PPP2R1B: variants seen among roughly 807,000 people sequenced by gnomAD.
PPP2R1B encodes protein phosphatase 2 scaffold subunit Abeta.
PPP2R1B carries 58 observed loss-of-function variants against 72.7 expected under a neutral mutation model. The observed-to-expected ratio is 0.80, with a 90% confidence interval of 0.65 to 0.99. The LOEUF (loss-of-function observed/expected upper bound fraction) is 0.99, where lower values mean the gene tolerates loss of function less well. PPP2R1B is among the 50% of genes least tolerant of loss of function. The pLI is 0.00. For synonymous variants in PPP2R1B, 256 were observed against 264.6 expected (o/e 0.97, Z 0.32); for missense variants, 695 against 733.6 (o/e 0.95, Z 0.61).
chr11:111,698,149 C>G, the PPP2R1B span, among the ~76,000 whole-genome samples: 1 of 152,190 alleles, frequency 6.6e-6, no homozygotes, highest in African/African-American at 2.4e-5. Flanking sequence ...TTTCTATATT[C>G]ATATTACCTA....
the PPP2R1B span, among the ~76,000 whole-genome samples, chr11:111,719,253 C>T: frequency 6.6e-6 from 1 of 151,842 alleles, no homozygotes; most frequent in African/African-American, 2.4e-5. Flanking sequence ...CAATTAAAGA[C>T]TAAATCAAAT....
chr11:111,755,589 T>TA, intron 5 of PPP2R1B, 139 bp from the exon 6 acceptor site: 13 of 724,622 alleles, frequency 1.8e-5, no homozygotes, highest in East Asian at 3.4e-5. Context: ...GACATCTTTT[T>TA]CTTTTTTTTT....
At chr11:111,749,345 G>A (rs1184184181) in intron 10 of PPP2R1B, among the ~76,000 whole-genome samples, 1 of 151,580 alleles carries the variant, frequency 6.6e-6, no homozygotes, top group African/African-American at 2.4e-5. Flanking sequence ...GTACAGTGGT[G>A]CAATGTCAGC....
downstream of PPP2R1B, chr11:111,725,429 A>G (rs1007348434): frequency 6.6e-6 from 1 of 152,560 alleles, no homozygotes; most frequent in Non-Finnish European, 1.5e-5. Context: ...CTTAACCAAC[A>G]CTTACAATTC....
chr11:111,741,641 G>C (rs760717473), intron 14 of PPP2R1B, 29 bp from the exon 15 acceptor site: 1 of 1,611,200 alleles, frequency 6.2e-7, no homozygotes. Flanking sequence ...AATCAGGTTA[G>C]TGGTACAGAA....
Position 111,741,358 on chromosome 11 carries a change from G to T in PPP2R1B, c.*238C>A. Reference sequence around the variant, plus strand: ...ATAAAGCATTAGGAGACAATCAAGTGTCAGGAATTGGTCAATAAGAACGGC... The same window carrying T: ...ATAAAGCATTAGGAGACAATCAAGTTTCAGGAATTGGTCAATAAGAACGGC... On this transcript the variant is annotated 3_prime_UTR_variant, in exon 15 of 15. Coordinates refer to ENST00000527614, the MANE Select transcript of PPP2R1B (RefSeq NM_002716.5). 1 of 1,351,400 alleles carries T rather than the reference G, an allele frequency of 7.4e-7. No individual in the cohort carries two copies. Among genetic ancestry groups the T allele is most frequent in the Non-Finnish European group, 9.5e-7 (1 of 1,053,426 alleles). The allele number at this position is 1,351,400 out of a possible 1,614,324, so 83.7% of individuals were successfully genotyped here.
At chr11:111,712,629 GCTCA>G in the PPP2R1B span, among the ~76,000 whole-genome samples, 1 of 152,058 alleles carries the variant, frequency 6.6e-6, no homozygotes, top group African/African-American at 2.4e-5. Context: ...TGTCTTTCTC[GCTCA>G]CTAATTCCTT....
chr11:111,753,418 C>T, intron 9 of PPP2R1B, 25 bp downstream of exon 9: 1 of 1,600,532 alleles, frequency 6.2e-7, no homozygotes, highest in South Asian at 1.1e-5. Flanking sequence ...CTATCAAAGG[C>T]AACAGAACAT....
Position 111,739,317 on chromosome 11 carries a change from G to C in PPP2R1B, c.*2279C>G, listed in dbSNP as rs1199280299. The C allele has an allele frequency of 1.6e-5, 16 of 978,486 alleles. No homozygotes were observed. The East Asian group carries it at 9.3e-4, about 57-fold the overall frequency. The allele number at this position is 978,486 out of a possible 1,614,324, so 60.6% of individuals were successfully genotyped here. A position where few individuals can be genotyped will look rare whatever the true frequency, so the allele number is the denominator to read the frequency against. On this transcript the variant is annotated 3_prime_UTR_variant, in exon 15 of 15. Transcript: ENST00000527614. ...CCTATATTCCAGTGAAATCAAGATA[G>C]GAGAACTTTTCCCTTAAGTTTAAGG...
Position 111,740,694 on chromosome 11 carries a change from A to G in PPP2R1B, c.*902T>C. 8.1e-6 allele frequency: 8 copies of G among 985,400 alleles called. No homozygotes were observed. The highest frequency in any genetic ancestry group is 4.7e-5 in the South Asian group (1 of 21,292). 61.0% of individuals were successfully genotyped at this position (985,400 alleles called of 1,614,324 possible). On this transcript the variant is annotated 3_prime_UTR_variant, in exon 15 of 15. Transcript: ENST00000527614. ...ACTGCAGTTTGAAAAGCTACTGTAC[A>G]ATGCAGCAAGGACTAGGTGTCAATA... is the stretch of plus-strand genomic sequence containing the variant.
rs1331649629 is a variant in PPP2R1B, at chr11:111,739,484, G to A, written c.*2112C>T. ...AAGGAAACAATGAAACCCCTGAGGG[G>A]TCACCACAAAAGACAGAGGCCCCGC... On this transcript the variant is annotated 3_prime_UTR_variant, in exon 15 of 15. Transcript: ENST00000527614. The A allele has an allele frequency of 1.0e-6, 1 of 985,298 alleles. No homozygotes were observed. The highest frequency in any genetic ancestry group is 6.1e-5 in the Admixed American group (1 of 16,264). 61.0% of individuals were successfully genotyped at this position (985,298 alleles called of 1,614,324 possible).
chr11:111,708,592 G>A, the PPP2R1B span, among the ~76,000 whole-genome samples: 1 of 151,786 alleles, frequency 6.6e-6, no homozygotes, highest in Admixed American at 6.6e-5. Flanking sequence ...TTTTGGGGGA[G>A]GTTTTGTTTT....
At chr11:111,761,226 C>A (rs1555051351) in intron 3 of PPP2R1B, 175 bp from the exon 4 acceptor site, 1 of 709,810 alleles carries the variant, frequency 1.4e-6, no homozygotes, top group South Asian at 1.5e-5. Context: ...TGCGGCCAAC[C>A]CAAAGACACG....
chr11:111,697,109 C>T, the PPP2R1B span, among the ~76,000 whole-genome samples: 9 of 152,250 alleles, frequency 5.9e-5, no homozygotes, highest in South Asian at 8.3e-4. Context: ...AATGAAGGCT[C>T]GAAGTAGTTA....
At chr11:111,712,320 C>G in the PPP2R1B span, 1 of 1,614,218 alleles carries the variant, frequency 6.2e-7, no homozygotes, top group Non-Finnish European at 8.5e-7. Context: ...TTTCCAGCAT[C>G]TGGCTGTCAG....
the PPP2R1B span, among the ~76,000 whole-genome samples, chr11:111,711,542 ATAGCTTGCAGTAAGCG>A: frequency 3.1e-4 from 47 of 152,370 alleles, no homozygotes; most frequent in African/African-American, 1.1e-3. Context: ...CTTCAAAAAC[ATAGCTTGCAGTAAGCG>A]TAGCTTGCAG....
At chr11:111,724,101 A>C (rs1943894098), downstream of PPP2R1B, 1 of 1,612,412 alleles carries the variant, frequency 6.2e-7, no homozygotes, top group Admixed American at 1.7e-5. Flanking sequence ...GTGGATCCAC[A>C]ACACAACGGG....
intron 15 of PPP2R1B, chr11:111,730,657 C>T (rs1944159883): frequency 6.6e-6 from 1 of 150,836 alleles, no homozygotes; most frequent in African/African-American, 2.4e-5. Flanking sequence ...GAGTGCAAAT[C>T]ATAATAGCTC....
chr11:111,766,289 T>C lies in PPP2R1B; in HGVS notation c.73A>G (p.Ile25Val). The C allele has an allele frequency of 6.3e-7, 1 of 1,595,962 alleles. No homozygotes were observed. Residue 25 changes from isoleucine to valine, a missense_variant, in exon 1 of 15, where the codon ATC (isoleucine) becomes GTC (valine). Transcript: ENST00000527614. ...CGGAGCTCGTCGATTAAAACCGCGA[T>C]CGGGTATAGCGAATCATCTCCATCT... ...GGDGDDSLYP[I>V]AVLIDELRNE...
Sources: allele counts gnomAD v4.1 joint callset (sites outside exome capture counted in the v4.1 genomes callset), GRCh38; gene constraint gnomAD v4.1.1; transcripts MANE v1.5; gene names NCBI Gene and HGNC (gene_info 2026-07-23, HGNC 2026-07-21).